PPP1R1C: variants seen among roughly 807,000 people sequenced by gnomAD.
PPP1R1C encodes protein phosphatase 1 regulatory subunit 1C.
PPP1R1C carries 15 observed loss-of-function variants against 17.4 expected under a neutral mutation model. The ratio of observed to expected loss-of-function variants is 0.86; its 90% CI spans 0.58 to 1.33. The LOEUF is 1.33. PPP1R1C is among the 40% of genes most tolerant of loss of function. The pLI is 0.00. For synonymous variants in PPP1R1C, 35 were observed against 43.1 expected (o/e 0.81, Z 0.73); for missense variants, 143 against 130.0 (o/e 1.10, Z -0.48).
chr2:182,078,331 T>G (rs1688376225), intron 4 of PPP1R1C, among the ~76,000 whole-genome samples: 1 of 152,210 alleles, frequency 6.6e-6, no homozygotes, highest in South Asian at 2.1e-4. Context: ...CTGTCGTGTC[T>G]TACTTTTTGC....
chr2:182,109,228 A>G (rs966526484), intron 4 of PPP1R1C, among the ~76,000 whole-genome samples: 1 of 151,800 alleles, frequency 6.6e-6, no homozygotes, highest in Non-Finnish European at 1.5e-5. Flanking sequence ...AGTCCTTTGT[A>G]TGTTTTGGAT....
At chr2:181,987,764 G>T (rs867404562) in intron 1 of PPP1R1C, 75 bp from the exon 2 acceptor site, 1 of 1,482,874 alleles carries the variant, frequency 6.7e-7, no homozygotes, top group African/African-American at 1.4e-5. Flanking sequence ...GGGTGAGACA[G>T]CTTTGCAAGC....
intron 4 of PPP1R1C, among the ~76,000 whole-genome samples, chr2:182,096,766 C>A (rs1688952773): frequency 6.6e-6 from 1 of 152,166 alleles, no homozygotes; most frequent in Admixed American, 6.5e-5. Context: ...TGATTCCTGT[C>A]CTAATTTTGC....
rs1289408744 is a variant in PPP1R1C, at chr2:181,969,562, TGA to T, written n.112-5656_112-5655del. Among the ~76,000 whole-genome samples, 4 of 152,330 alleles carry T rather than the reference TGA, an allele frequency of 2.6e-5. No individual in the cohort carries two copies. The East Asian group carries it at 7.7e-4, about 29-fold the overall frequency. ...TCTTTATCCTAGACCTTTGGGAGTT[TGA>T]TTATTAAATATCTTGAGGTAGTCTT... On this transcript the variant is annotated intron_variant and non_coding_transcript_variant, in intron 1 of 5. Transcript: ENST00000464264.
rs139652632 is a variant in PPP1R1C, at chr2:182,021,201, G to C, written c.142+33302G>C. Among the ~76,000 whole-genome samples the C allele has an allele frequency of 2.6e-5, 4 of 152,074 alleles. No homozygotes were observed. The East Asian group carries it at 7.7e-4, about 29-fold the overall frequency. On this transcript the variant is annotated intron_variant, in intron 2 of 4. Transcript: ENST00000682840. ...TTGTCTCTCATGCATGTGGTAGAAA[G>C]AGTCCTTAATTGTTTAGGAAGAAGT...
At chr2:182,035,525 T>A (rs548756544) in intron 2 of PPP1R1C, among the ~76,000 whole-genome samples, 106 of 152,310 alleles carry the variant, frequency 7.0e-4, no homozygotes, top group Admixed American at 5.1e-3. Context: ...CCAGAGTGTT[T>A]GAGGTGAGGC....
downstream of PPP1R1C, among the ~76,000 whole-genome samples, chr2:182,119,591 C>T (rs1359730679): frequency 6.6e-6 from 1 of 152,136 alleles, no homozygotes; most frequent in Non-Finnish European, 1.5e-5. Flanking sequence ...TTTTAATGAT[C>T]ACCATTCCAA....
intron 3 of PPP1R1C, among the ~76,000 whole-genome samples, chr2:182,063,148 G>C (rs556722302): frequency 6.6e-6 from 1 of 151,958 alleles, no homozygotes; most frequent in Non-Finnish European, 1.5e-5. Context: ...GCTTAGGTAA[G>C]AGTGTCACAT....
intron 4 of PPP1R1C, among the ~76,000 whole-genome samples, chr2:182,065,692 A>G (rs1479778059): frequency 6.6e-6 from 1 of 152,104 alleles, no homozygotes; most frequent in Non-Finnish European, 1.5e-5. Flanking sequence ...GTGAATAGCC[A>G]CTGCATGCCA....
At chr2:181,993,280 A>G (rs1685517709) in intron 2 of PPP1R1C, among the ~76,000 whole-genome samples, 2 of 152,156 alleles carry the variant, frequency 1.3e-5, no homozygotes, top group Non-Finnish European at 2.9e-5. Flanking sequence ...CTCTTCATGG[A>G]GACCCTCTAT....
chr2:182,061,485 T>C lies in PPP1R1C; in HGVS notation c.180+6T>C. 1 of 1,460,332 alleles carries C rather than the reference T, an allele frequency of 6.8e-7. No homozygotes were observed. The highest frequency in any genetic ancestry group is 1.5e-5 in the African/African-American group (1 of 67,330). The allele number at this position is 1,460,332 out of a possible 1,614,324, so 90.5% of individuals were successfully genotyped here. On this transcript the variant is annotated splice_donor_region_variant and intron_variant, in intron 3 of 4. Transcript: ENST00000682840. ...GGCCCAACACACAAGGGGAAGTAAGTTTTTAAAAATATTTTGTATAAATGT... is the reference window on the plus strand; with the variant it reads ...GGCCCAACACACAAGGGGAAGTAAGCTTTTAAAAATATTTTGTATAAATGT...
At chr2:182,091,710 C>A (rs1372197458) in intron 4 of PPP1R1C, among the ~76,000 whole-genome samples, 2 of 152,070 alleles carry the variant, frequency 1.3e-5, no homozygotes, top group African/African-American at 2.4e-5. Flanking sequence ...CTTCCAATGA[C>A]CCCATGCCCT....
intron 2 of PPP1R1C, among the ~76,000 whole-genome samples, chr2:182,007,755 T>TA (rs941883475): frequency 2.6e-5 from 4 of 152,164 alleles, no homozygotes; most frequent in African/African-American, 9.7e-5. Context: ...TCAGTATATG[T>TA]AAAAATGTAT....
chr2:181,975,461 C>T (rs1685079583), intron 2 of PPP1R1C, among the ~76,000 whole-genome samples: 1 of 151,714 alleles, frequency 6.6e-6, no homozygotes, highest in South Asian at 2.1e-4. Flanking sequence ...TGTGTTTATT[C>T]TCTCTCTTTT....
In PPP1R1C at chr2:181,964,939, C is replaced by G. The variant is rs140803491; in HGVS notation, n.112-10280C>G. Among the ~76,000 whole-genome samples the G allele has an allele frequency of 3.3e-3, 507 of 152,274 alleles. 6 individuals carry two copies. Among genetic ancestry groups the G allele is most frequent in the African/African-American group, 0.012 (487 of 41,554 alleles). On this transcript the variant is annotated intron_variant and non_coding_transcript_variant, in intron 1 of 5. Transcript: ENST00000464264. ...CAGGCTGGTCTCAAACTCCTGACCT[C>G]AGGTCATCCACCCACTTTGGCCTCC...
At chr2:182,042,357 G>A (rs148128690) in intron 2 of PPP1R1C, among the ~76,000 whole-genome samples, 67 of 152,228 alleles carry the variant, frequency 4.4e-4, no homozygotes, top group African/African-American at 1.6e-3. Flanking sequence ...ACTTTATCTG[G>A]GATGGAATTT....
chr2:182,117,887 A>C (rs1689635760), downstream of PPP1R1C: 1 of 152,154 alleles, frequency 6.6e-6, no homozygotes, highest in Non-Finnish European at 1.5e-5. Flanking sequence ...CCCACCAACA[A>C]CACATTAATG....
intron 4 of PPP1R1C, among the ~76,000 whole-genome samples, chr2:182,084,343 A>AG (rs35006197): frequency 0.62 from 94,471 of 151,822 alleles, 29,551 homozygotes; most frequent in African/African-American, 0.65. Context: ...TTCTTTGCCT[A>AG]GCCAATGTCC....
intron 4 of PPP1R1C, among the ~76,000 whole-genome samples, chr2:182,079,633 G>A (rs1688412990): frequency 6.6e-6 from 1 of 152,124 alleles, no homozygotes; most frequent in Admixed American, 6.5e-5. Context: ...CAGTTTTCAA[G>A]GACTGCCTTA....
Sources: gnomAD v4.1 joint callset for allele counts (sites outside exome capture counted in the v4.1 genomes callset) on GRCh38, gnomAD v4.1.1 for gene constraint, MANE v1.5 for transcripts, NCBI Gene and HGNC (gene_info 2026-07-23, HGNC 2026-07-21) for gene names.